Variants in CCDC38 observed in about 807,000 individuals in gnomAD.
CCDC38 encodes the protein coiled-coil domain containing 38, also known as coiled-coil domain-containing protein 38.
Under a neutral mutation model 72.8 loss-of-function variants are expected in CCDC38, and 69 were observed. That is an observed-to-expected ratio of 0.95 (90% CI 0.78 to 1.16). The LOEUF is 1.16. Among genes scored for constraint, CCDC38 ranks in the 50% most tolerant of loss-of-function variants. CCDC38 has a pLI of 0.00. For missense variants in CCDC38, 626 were observed against 638.9 expected (o/e 0.98, Z 0.22); for synonymous variants, 201 against 213.2 (o/e 0.94, Z 0.50).
intron 7 of CCDC38, chr12:95,896,720 C>T (rs1407920262): frequency 7.2e-5 from 11 of 152,164 alleles, no homozygotes; most frequent in Admixed American, 3.9e-4. Flanking sequence ...CAGCCCTACC[C>T]GTAGAGGAGG....
intron 8 of CCDC38, among the ~76,000 whole-genome samples, chr12:95,892,107 C>G (rs184976431): frequency 8.7e-6 from 1 of 115,510 alleles, no homozygotes; most frequent in Non-Finnish European, 1.7e-5. Flanking sequence ...TTTTTTGAGA[C>G]GGAGTCTCAC....
At chr12:95,869,156 T>C (rs1462778296) in intron 15 of CCDC38, among the ~76,000 whole-genome samples, 2 of 152,226 alleles carry the variant, frequency 1.3e-5, no homozygotes, top group African/African-American at 4.8e-5. Flanking sequence ...TACTGAATAC[T>C]CTTGTATCTT....
At chr12:95,875,412 A>AG (rs2079624728) in intron 13 of CCDC38, among the ~76,000 whole-genome samples, 1 of 131,382 alleles carries the variant, frequency 7.6e-6, no homozygotes, top group Non-Finnish European at 1.6e-5. Context: ...CAAGGGCAAA[A>AG]TTTTTAGGGG....
At chr12:95,892,054 G>GTTT (rs952204804) in intron 8 of CCDC38, among the ~76,000 whole-genome samples, 1 of 141,556 alleles carries the variant, frequency 7.1e-6, no homozygotes, top group East Asian at 2.1e-4. Flanking sequence ...CACCTCCCTG[G>GTTT]TTTCCCCTCT....
chr12:95,881,911 T>G (rs17370584), intron 10 of CCDC38, among the ~76,000 whole-genome samples: 5,096 of 152,326 alleles, frequency 0.033, 148 homozygotes, highest in Middle Eastern at 0.051. Context: ...TTTAATGCAT[T>G]CTTCTTGAGA....
At chr12:95,889,666 A>C (rs561222799) in intron 9 of CCDC38, among the ~76,000 whole-genome samples, 38 of 152,118 alleles carry the variant, frequency 2.5e-4, no homozygotes, top group Non-Finnish European at 4.7e-4. Flanking sequence ...TGATAGCAGG[A>C]TACAGGAGAA....
At chr12:95,926,791 G>T (rs11108342) in intron 2 of CCDC38, among the ~76,000 whole-genome samples, 1 of 150,180 alleles carries the variant, frequency 6.7e-6, no homozygotes, top group African/African-American at 2.5e-5. Context: ...TCCTTCATTT[G>T]GTTATGTACC....
At chr12:95,925,965 A>G (rs78569152) in intron 2 of CCDC38, among the ~76,000 whole-genome samples, 36,822 of 94,654 alleles carry the variant, frequency 0.39, 7,907 homozygotes, top group East Asian at 0.87. Context: ...GAGGATTTTT[A>G]CATCAATGTT....
intron 13 of CCDC38, among the ~76,000 whole-genome samples, chr12:95,877,159 G>A (rs1176834121): frequency 6.6e-6 from 1 of 152,082 alleles, no homozygotes; most frequent in African/African-American, 2.4e-5. Flanking sequence ...ACAAGATAAG[G>A]GTAATCACCC....
In CCDC38 at chr12:95,917,185, C is replaced by T; in HGVS notation, c.248G>A (p.Gly83Asp). The change falls in exon 4 of 16, where the codon GGT (glycine) becomes GAT (aspartate). Residue 83 changes from glycine to aspartate, a missense_variant. Coordinates refer to ENST00000344280, the MANE Select transcript of CCDC38 (RefSeq NM_182496.3). Reference sequence around the variant, plus strand: ...TGGCCCAAACTTTTCAAATGACCTACCACTCCTTTTAGGGTAGAAAGCTAG... The same window carrying T: ...TGGCCCAAACTTTTCAAATGACCTATCACTCCTTTTAGGGTAGAAAGCTAG... ...SQLAFYPKRSGRSFEKFGPGP... is the reference protein window; with the variant it reads ...SQLAFYPKRSDRSFEKFGPGP... 6.2e-7 allele frequency: 1 copy of T among 1,607,494 alleles called. No individual in the cohort carries two copies. The highest frequency in any genetic ancestry group is 8.5e-7 in the Non-Finnish European group (1 of 1,178,714).
chr12:95,907,747 T>G (rs1160585952), intron 4 of CCDC38, among the ~76,000 whole-genome samples: 4 of 134,288 alleles, frequency 3.0e-5, no homozygotes, highest in East Asian at 2.3e-4. Context: ...AGGCAGAGGG[T>G]CTCCTCACTT....
At chr12:95,916,948 A>G (rs760553379) in intron 4 of CCDC38, among the ~76,000 whole-genome samples, 181 bp downstream of exon 4, 5 of 152,146 alleles carry the variant, frequency 3.3e-5, no homozygotes, top group Admixed American at 6.5e-5. Context: ...GTCATCTTGG[A>G]AAAGTATGTT....
chr12:95,888,919 A>G (rs2121451076), intron 9 of CCDC38: 1 of 199,898 alleles, frequency 5.0e-6, no homozygotes, highest in South Asian at 7.2e-5. Context: ...CACCTGAAAC[A>G]TTTATGTCTC....
intron 4 of CCDC38, 109 bp from the exon 5 acceptor site, chr12:95,906,560 TAA>T (rs1158847627): frequency 7.1e-6 from 5 of 701,650 alleles, no homozygotes; most frequent in Admixed American, 6.0e-5. Context: ...TCTGATCTTT[TAA>T]AAATACTATA....
chr12:95,943,039 C>A (rs550069645), upstream of CCDC38: 743 of 184,438 alleles, frequency 4.0e-3, 3 homozygotes, highest in African/African-American at 0.013. Context: ...ACCCTTGACG[C>A]GCTTCCACAT....
rs943211902 is a variant in CCDC38, at chr12:95,879,591, C to T, written c.1142+53G>A. The T allele has an allele frequency of 2.2e-5, 29 of 1,315,862 alleles. No individual in the cohort carries two copies. Among genetic ancestry groups the T allele is most frequent in the Non-Finnish European group, 9.6e-6 (9 of 942,194 alleles). 81.5% of individuals were successfully genotyped at this position (1,315,862 alleles called of 1,614,324 possible). A position where few individuals can be genotyped will look rare whatever the true frequency, so the allele number is the denominator to read the frequency against. On this transcript the variant is annotated intron_variant, in intron 12 of 15. Transcript: ENST00000344280. This position sits in a 1 kb window ranked among gnomAD's most constrained non-coding sequence, Gnocchi z 5.5. Reference sequence around the variant, plus strand: ...CACATGTGAGTGAGTTGGACCCAGGCTCTGGTTAGAAATTGCTTAATGGAA... The same window carrying T: ...CACATGTGAGTGAGTTGGACCCAGGTTCTGGTTAGAAATTGCTTAATGGAA...
intron 2 of CCDC38, among the ~76,000 whole-genome samples, chr12:95,928,056 T>G (rs1282270349): frequency 6.7e-6 from 1 of 149,224 alleles, no homozygotes; most frequent in Non-Finnish European, 1.5e-5. Flanking sequence ...TGTGGCGTTC[T>G]CTGTATTTCC....
chr12:95,921,974 T>G (rs2080214228), intron 2 of CCDC38, among the ~76,000 whole-genome samples: 1 of 152,138 alleles, frequency 6.6e-6, no homozygotes, highest in Admixed American at 6.5e-5. Flanking sequence ...CTGGAATATT[T>G]TGAGAGTCCC....
chr12:95,928,670 G>T (rs113034660), intron 2 of CCDC38, among the ~76,000 whole-genome samples: 3 of 152,266 alleles, frequency 2.0e-5, no homozygotes, highest in East Asian at 1.9e-4. Flanking sequence ...CTTTGTGGTT[G>T]TATCTACTTT....
Sources: gnomAD v4.1 joint callset for allele counts (sites outside exome capture counted in the v4.1 genomes callset) on GRCh38, gnomAD v4.1.1 for gene constraint, Gnocchi (gnomAD v3.1) non-coding constraint, MANE v1.5 for transcripts, NCBI Gene and HGNC (gene_info 2026-07-23, HGNC 2026-07-21) for gene names.